Variants in CADM2 observed in about 807,000 individuals in gnomAD.
CADM2 encodes cell adhesion molecule 2, also known as immunoglobulin superfamily member 4D.
CADM2 carries 12 observed loss-of-function variants against 49.8 expected under a neutral mutation model. The ratio of observed to expected loss-of-function variants is 0.24; its 90% CI spans 0.15 to 0.39. CADM2 has a LOEUF of 0.39. Ranked by LOEUF, CADM2 falls within the 10% of genes least tolerant of loss-of-function variation. The pLI, the probability that CADM2 is intolerant of heterozygous loss-of-function variation, is 1.00. For synonymous variants in CADM2, 214 were observed against 175.4 expected (o/e 1.22, Z -1.74); for missense variants, 378 against 492.3 (o/e 0.77, Z 2.20).
intron 3 of CADM2, among the ~76,000 whole-genome samples, chr3:85,806,798 TCC>T (rs1216805272): frequency 6.6e-6 from 1 of 152,044 alleles, no homozygotes; most frequent in Admixed American, 6.6e-5. Context: ...GGGAATCTCT[TCC>T]CCGGGGAGAT....
At position 85,160,224 on chromosome 3, in the gene CADM2, T is replaced by G. The variant is rs539072819; in HGVS notation, c.61+200556T>G. 3.3e-5 allele frequency among the ~76,000 whole-genome samples: 5 copies of G among 152,280 alleles called. No homozygotes were observed. The East Asian group carries it at 9.6e-4, about 29-fold the overall frequency. On this transcript the variant is annotated intron_variant, in intron 1 of 9. Transcript: ENST00000383699. ...TTTATTATATCTGTTGTCAAATACA[T>G]CAACCGTTACTAAAAATTTCTTCCC...
intron 1 of CADM2, among the ~76,000 whole-genome samples, chr3:85,550,715 C>T (rs2061781179): frequency 6.6e-6 from 1 of 152,128 alleles, no homozygotes; most frequent in Non-Finnish European, 1.5e-5. Context: ...TTCCATTACT[C>T]TGTATCAAAA....
chr3:85,202,481 T>C (rs570361003), intron 1 of CADM2, among the ~76,000 whole-genome samples: 1 of 152,126 alleles, frequency 6.6e-6, no homozygotes, highest in African/African-American at 2.4e-5. Context: ...TGAGAAGAAA[T>C]ATTTTTTTCT....
intron 1 of CADM2, among the ~76,000 whole-genome samples, chr3:85,382,790 A>C (rs2033977641): frequency 6.6e-6 from 1 of 152,212 alleles, no homozygotes; most frequent in Non-Finnish European, 1.5e-5. Flanking sequence ...CAAATATTTG[A>C]CAATTTTAAA....
chr3:85,862,777 A>G (rs2075585442), intron 3 of CADM2, among the ~76,000 whole-genome samples: 1 of 152,216 alleles, frequency 6.6e-6, no homozygotes, highest in African/African-American at 2.4e-5. Flanking sequence ...GGCTTGGTCC[A>G]TAGTGAAAGC....
At chr3:85,752,612 A>G (rs2068913527) in intron 2 of CADM2, among the ~76,000 whole-genome samples, 1 of 152,130 alleles carries the variant, frequency 6.6e-6, no homozygotes, top group African/African-American at 2.4e-5. Context: ...AAGAAAGAAG[A>G]CAAATTATCT....
chr3:85,590,844 A>C (rs1046404802), intron 1 of CADM2, among the ~76,000 whole-genome samples: 4 of 152,016 alleles, frequency 2.6e-5, no homozygotes, highest in Admixed American at 2.6e-4. Flanking sequence ...ACTATAAACA[A>C]AAAAGGATAA....
chr3:85,706,640 C>T (rs1338370511), intron 1 of CADM2, among the ~76,000 whole-genome samples: 1 of 152,140 alleles, frequency 6.6e-6, no homozygotes. Flanking sequence ...TGCCTCAGAA[C>T]TGATGACAGC....
chr3:85,171,238 A>G (rs1368466539), intron 1 of CADM2, among the ~76,000 whole-genome samples: 2 of 152,178 alleles, frequency 1.3e-5, no homozygotes, highest in Non-Finnish European at 2.9e-5. Context: ...TAGGTGAGTT[A>G]CACTCTAGAT....
chr3:85,143,365 G>A (rs1399875570), intron 1 of CADM2, among the ~76,000 whole-genome samples: 2 of 152,104 alleles, frequency 1.3e-5, no homozygotes, highest in Admixed American at 1.3e-4. Context: ...TCACACACTT[G>A]CAGTCCCAAC....
intron 8 of CADM2, among the ~76,000 whole-genome samples, chr3:86,053,000 G>T (rs1737517995): frequency 6.6e-6 from 1 of 152,010 alleles, no homozygotes; most frequent in Non-Finnish European, 1.5e-5. Flanking sequence ...GCTCCTGATA[G>T]GTATTAAATA....
intron 6 of CADM2, among the ~76,000 whole-genome samples, chr3:85,931,445 A>G (rs1405109660): frequency 6.6e-6 from 1 of 152,174 alleles, no homozygotes; most frequent in Non-Finnish European, 1.5e-5. Flanking sequence ...CTTGTCTGAA[A>G]AAAAAGAAAA....
rs1262070385 is a variant in CADM2, at chr3:85,294,506, A to T, written c.61+334838A>T. On this transcript the variant is annotated intron_variant, in intron 1 of 9. Transcript: ENST00000383699. Reference sequence around the variant, plus strand: ...AGTCAATCCTAAGCCAAAAGAACAAAGCTGGAGGCATCACACTACCTGACT... The same window carrying T: ...AGTCAATCCTAAGCCAAAAGAACAATGCTGGAGGCATCACACTACCTGACT... Among the ~76,000 whole-genome samples, 7 of 152,048 alleles carry T rather than the reference A, an allele frequency of 4.6e-5. No homozygotes were observed. In the East Asian group the frequency reaches 1.2e-3, roughly 25 times the overall value.
At chr3:85,115,828 TG>T (rs2038618730) in intron 1 of CADM2, among the ~76,000 whole-genome samples, 1 of 152,162 alleles carries the variant, frequency 6.6e-6, no homozygotes, top group South Asian at 2.1e-4. Flanking sequence ...TGTGAGCTCA[TG>T]GTGATGGCAA....
chr3:85,381,514 T>A (rs890821046), intron 1 of CADM2, among the ~76,000 whole-genome samples: 1 of 147,588 alleles, frequency 6.8e-6, no homozygotes, highest in African/African-American at 2.5e-5. Flanking sequence ...ATATATAAAG[T>A]ATATATATAT....
At chr3:85,732,199 T>A (rs2107798695) in intron 2 of CADM2, among the ~76,000 whole-genome samples, 1 of 151,760 alleles carries the variant, frequency 6.6e-6, no homozygotes, top group South Asian at 2.1e-4. Flanking sequence ...AGGCGGAGTT[T>A]GCAGTGAACC....
At chr3:85,352,670 T>C (rs921807501) in intron 1 of CADM2, among the ~76,000 whole-genome samples, 21 of 152,108 alleles carry the variant, frequency 1.4e-4, no homozygotes, top group Non-Finnish European at 1.2e-4. Flanking sequence ...AAATATCAAT[T>C]TTGCTTCCAC....
At chr3:85,513,345 C>T (rs2060817645) in intron 1 of CADM2, among the ~76,000 whole-genome samples, 1 of 151,436 alleles carries the variant, frequency 6.6e-6, no homozygotes, top group African/African-American at 2.4e-5. Context: ...TTTGCCTTCT[C>T]AGAAAAAAAG....
At chr3:85,748,518 T>A (rs1239340810) in intron 2 of CADM2, among the ~76,000 whole-genome samples, 1 of 152,018 alleles carries the variant, frequency 6.6e-6, no homozygotes, top group Non-Finnish European at 1.5e-5. Flanking sequence ...CTTATCTGAG[T>A]CTAATAATGT....
Sources: allele counts gnomAD v4.1 joint callset (sites outside exome capture counted in the v4.1 genomes callset), GRCh38; gene constraint gnomAD v4.1.1; transcripts MANE v1.5; gene names NCBI Gene and HGNC (gene_info 2026-07-23, HGNC 2026-07-21).